KCNC2: variants seen among roughly 807,000 people sequenced by gnomAD.
KCNC2 encodes voltage-gated potassium channel KCNC2.
In KCNC2, 21 loss-of-function variants were observed where a neutral mutation model predicts 44.5. That is an observed-to-expected ratio of 0.47 (90% CI 0.33 to 0.68). The LOEUF (loss-of-function observed/expected upper bound fraction) is 0.68, where lower values mean the gene tolerates loss of function less well. Among genes scored for constraint, KCNC2 ranks in the 30% least tolerant of loss-of-function variants. The pLI, the probability that KCNC2 is intolerant of heterozygous loss-of-function variation, is 0.01. For synonymous variants in KCNC2, 391 were observed against 339.1 expected, an observed-to-expected ratio of 1.15 and a Z score of -1.68; for missense variants, 589 against 826.2, an observed-to-expected ratio of 0.71 and a Z score of 3.52.
At chr12:75,087,472 G>A (rs1161462688) in intron 2 of KCNC2, among the ~76,000 whole-genome samples, 6 of 152,046 alleles carry the variant, frequency 3.9e-5, no homozygotes, top group African/African-American at 1.4e-4. Flanking sequence ...GGCCATTTCA[G>A]CAATGTTTAA....
Position 75,107,751 on chromosome 12 carries a change from A to G in KCNC2, c.688-56434T>C, listed in dbSNP as rs1338883368. Among the ~76,000 whole-genome samples, 3 of 152,366 alleles carry G rather than the reference A, an allele frequency of 2.0e-5. No individual in the cohort carries two copies. The East Asian group carries it at 5.8e-4, about 29-fold the overall frequency. ...GTTTGAGTAAACTCTAAGAGCAAAC[A>G]GAGAAAATTAATTCCTAAGTCATTA... On this transcript the variant is annotated intron_variant, in intron 2 of 4. Transcript: ENST00000549446.
Position 75,078,466 on chromosome 12 carries a change from T to G in KCNC2, c.688-27149A>C, listed in dbSNP as rs536084298. Among the ~76,000 whole-genome samples, 16 of 152,302 alleles carry G rather than the reference T, an allele frequency of 1.1e-4. 1 individual carries two copies. In the South Asian group the frequency reaches 2.9e-3, roughly 28 times the overall value. On this transcript the variant is annotated intron_variant, in intron 2 of 4. Transcript: ENST00000549446. ...GGAGTAGAGAATAAAGAAAGAGTTG[T>G]TGAATAGAATAGCTCTTTCCTTCAG...
At chr12:75,143,294 C>A (rs1036141924) in intron 2 of KCNC2, among the ~76,000 whole-genome samples, 59 of 152,268 alleles carry the variant, frequency 3.9e-4, no homozygotes, top group African/African-American at 1.3e-3. Flanking sequence ...TACCTATTCT[C>A]CTGTACTTAT....
chr12:75,041,370 A>G lies in KCNC2; in HGVS notation c.*1735T>C. The stretch of plus-strand genomic sequence containing the variant: ...TACATTGCTGTACAACATCTCCAAC[A>G]TGCAGGTCATGCTCTAGGACTTGGG... On this transcript the variant is annotated 3_prime_UTR_variant, in exon 5 of 5. Coordinates refer to ENST00000549446, the MANE Select transcript of KCNC2 (RefSeq NM_139137.4). 4.2e-6 allele frequency: 6 copies of G among 1,436,046 alleles called. No individual in the cohort carries two copies. Among genetic ancestry groups the G allele is most frequent in the Non-Finnish European group, 5.5e-6 (6 of 1,092,530 alleles). The allele number at this position is 1,436,046 out of a possible 1,614,324, so 89.0% of individuals were successfully genotyped here. A position where few individuals can be genotyped will look rare whatever the true frequency, so the allele number is the denominator to read the frequency against.
At chr12:75,147,988 A>C (rs534677939) in intron 2 of KCNC2, among the ~76,000 whole-genome samples, 6 of 152,274 alleles carry the variant, frequency 3.9e-5, no homozygotes, top group African/African-American at 1.4e-4. Flanking sequence ...AAAAGCTAAA[A>C]TTAGCAAAAT....
intron 2 of KCNC2, among the ~76,000 whole-genome samples, chr12:75,099,482 G>A (rs1201415389): frequency 6.6e-6 from 1 of 152,106 alleles, no homozygotes. Context: ...TGCTAAAAAT[G>A]GTAGACATGT....
intron 2 of KCNC2, among the ~76,000 whole-genome samples, chr12:75,084,967 A>G (rs914785466): frequency 4.0e-5 from 6 of 150,940 alleles, no homozygotes; most frequent in Non-Finnish European, 8.9e-5. Flanking sequence ...CTATCTATCC[A>G]AAGAGATCAG....
chr12:75,183,954 A>G (rs908470002), intron 2 of KCNC2, among the ~76,000 whole-genome samples: 1 of 152,046 alleles, frequency 6.6e-6, no homozygotes, highest in Non-Finnish European at 1.5e-5. Flanking sequence ...TATATTTCCC[A>G]AGGAGTATCA....
At position 75,041,642 on chromosome 12, in the gene KCNC2, A is replaced by G. The variant is rs748510952; in HGVS notation, c.*1463T>C. 4 of 1,011,690 alleles carry G rather than the reference A, an allele frequency of 4.0e-6. No individual in the cohort carries two copies. Among genetic ancestry groups the G allele is most frequent in the Non-Finnish European group, 4.7e-6 (4 of 844,904 alleles). The allele number at this position is 1,011,690 out of a possible 1,614,324, so 62.7% of individuals were successfully genotyped here. A position where few individuals can be genotyped will look rare whatever the true frequency, so the allele number is the denominator to read the frequency against. On this transcript the variant is annotated 3_prime_UTR_variant, in exon 5 of 5. Transcript: ENST00000549446. ...AGACTTTCTTCCACTCAGACTGAAT[A>G]TGACTCCCTAAGGATTTTGTTGGAG...
At chr12:75,138,209 T>A (rs1437118684) in intron 2 of KCNC2, among the ~76,000 whole-genome samples, 1 of 152,198 alleles carries the variant, frequency 6.6e-6, no homozygotes, top group East Asian at 1.9e-4. Context: ...ATTTTGCTTT[T>A]GCCAATGGGA....
At chr12:75,182,454 C>T (rs1358833004) in intron 2 of KCNC2, among the ~76,000 whole-genome samples, 1 of 140,870 alleles carries the variant, frequency 7.1e-6, no homozygotes, top group Non-Finnish European at 1.5e-5. Context: ...ACCTGGGAGG[C>T]GGAGCTTAGT....
At chr12:75,167,309 T>C (rs1046969535) in intron 2 of KCNC2, among the ~76,000 whole-genome samples, 6 of 151,384 alleles carry the variant, frequency 4.0e-5, no homozygotes, top group African/African-American at 1.2e-4. Context: ...GTGGGTTACT[T>C]ATTTATTTTT....
intron 2 of KCNC2, among the ~76,000 whole-genome samples, chr12:75,153,332 T>A (rs1890534891): frequency 6.6e-6 from 1 of 151,928 alleles, no homozygotes; most frequent in African/African-American, 2.4e-5. Context: ...TAGGTGCCAA[T>A]CTCCCATGCA....
intron 2 of KCNC2, among the ~76,000 whole-genome samples, chr12:75,092,309 T>G (rs566693395): frequency 6.6e-6 from 1 of 151,794 alleles, no homozygotes; most frequent in South Asian, 2.1e-4. Flanking sequence ...ATCCTTGCTT[T>G]AGAAGTAGAG....
intron 2 of KCNC2, among the ~76,000 whole-genome samples, chr12:75,161,471 C>T (rs1044765223): frequency 6.6e-6 from 1 of 151,636 alleles, no homozygotes. Flanking sequence ...TTCACTTTAC[C>T]CAGCACCAGG....
chr12:75,145,122 C>A (rs779419596), intron 2 of KCNC2, among the ~76,000 whole-genome samples: 3 of 151,982 alleles, frequency 2.0e-5, no homozygotes, highest in Non-Finnish European at 4.4e-5. Flanking sequence ...AATTCAGAAC[C>A]GAGTCATTTA....
At chr12:75,182,299 C>T in intron 2 of KCNC2, among the ~76,000 whole-genome samples, 1 of 151,538 alleles carries the variant, frequency 6.6e-6, no homozygotes, top group Non-Finnish European at 1.5e-5. Flanking sequence ...CCGAGGGGGG[C>T]AGATCACAAG....
At position 75,054,162 on chromosome 12, in the gene KCNC2, G is replaced by T. The variant is rs1049106767; in HGVS notation, c.688-2845C>A. Among the ~76,000 whole-genome samples, 10 of 151,602 alleles carry T rather than the reference G, an allele frequency of 6.6e-5. No individual in the cohort carries two copies. In the South Asian group the frequency reaches 1.7e-3, roughly 25 times the overall value. ...AATCACTTGAACCCAGGAGGAAAAG[G>T]TTGCAGTGAGCCAAGATTGTGCCAC... is the stretch of plus-strand genomic sequence containing the variant. On this transcript the variant is annotated intron_variant, in intron 2 of 4. Coordinates refer to ENST00000549446, the MANE Select transcript of KCNC2 (RefSeq NM_139137.4).
chr12:75,168,430 A>C (rs572935833), intron 2 of KCNC2, among the ~76,000 whole-genome samples: 1 of 151,508 alleles, frequency 6.6e-6, no homozygotes, highest in African/African-American at 2.4e-5. Flanking sequence ...GCTGGAAAGT[A>C]GGGCTGCCAG....
Sources: allele counts gnomAD v4.1 joint callset (sites outside exome capture counted in the v4.1 genomes callset), GRCh38; gene constraint gnomAD v4.1.1; transcripts MANE v1.5; gene names NCBI Gene and HGNC (gene_info 2026-07-23, HGNC 2026-07-21).